The following IQGAP1 variants were observed in gnomAD, a reference collection of about 807,000 sequenced individuals.
The protein encoded by IQGAP1 is IQ motif containing GTPase activating protein 1, also known as ras GTPase-activating-like protein IQGAP1.
In IQGAP1, 66 loss-of-function variants were observed where a neutral mutation model predicts 215.6. That is an observed-to-expected ratio of 0.31 (90% CI 0.25 to 0.38). The LOEUF is 0.38. IQGAP1 is among the 10% of genes least tolerant of loss of function. The pLI is 1.00. For synonymous variants in IQGAP1, 772 were observed against 728.7 expected, an observed-to-expected ratio of 1.06 and a Z score of -0.96; for missense variants, 1,712 against 1,997.1, an observed-to-expected ratio of 0.86 and a Z score of 2.72.
At chr15:90,422,677 TATAA>T (rs1965163704) in intron 2 of IQGAP1, among the ~76,000 whole-genome samples, 18 of 129,318 alleles carry the variant, frequency 1.4e-4, no homozygotes, top group East Asian at 4.5e-4. Context: ...TATATATATA[TATAA>T]TTTTTGAGAC....
intron 15 of IQGAP1, among the ~76,000 whole-genome samples, chr15:90,461,464 A>T (rs1965760426): frequency 6.6e-6 from 1 of 152,206 alleles, no homozygotes; most frequent in South Asian, 2.1e-4. Flanking sequence ...ATAAAAGTGG[A>T]TTACTAGTCG....
At chr15:90,423,359 A>G (rs1876648375) in intron 2 of IQGAP1, among the ~76,000 whole-genome samples, 1 of 152,056 alleles carries the variant, frequency 6.6e-6, no homozygotes. Context: ...TTAGCCTCCC[A>G]AGTATCTGAG....
chr15:90,441,650 C>T lies in IQGAP1; in HGVS notation c.794C>T (p.Ala265Val). Residue 265 changes from alanine to valine, a missense_variant, in exon 8 of 38, where the codon GCT (alanine) becomes GTT (valine). Around this residue, in one of 2 missense-constraint regions of IQGAP1, gnomAD observed 1,021 missense variants for 1,074.2 expected, o/e 0.95. Coordinates refer to ENST00000268182, the MANE Select transcript of IQGAP1 (RefSeq NM_003870.4). ...ASTYQDILYQ[A>V]KQDKMTNAKN... ...ACTTACCAGGATATACTTTACCAGG[C>T]TAAGCAGGACAAAATGACAAATGCT... 1 of 1,610,490 alleles carries T rather than the reference C, an allele frequency of 6.2e-7. No homozygotes were observed. Among genetic ancestry groups the T allele is most frequent in the Non-Finnish European group, 8.5e-7 (1 of 1,178,544 alleles).
chr15:90,465,187 G>C (rs1231763906), intron 15 of IQGAP1, among the ~76,000 whole-genome samples: 1 of 152,222 alleles, frequency 6.6e-6, no homozygotes, highest in East Asian at 1.9e-4. Context: ...GAGAAATGTA[G>C]ATTGCCTGTA....
chr15:90,488,363 G>A (rs915269362), intron 33 of IQGAP1, among the ~76,000 whole-genome samples: 15 of 151,812 alleles, frequency 9.9e-5, no homozygotes, highest in Non-Finnish European at 1.6e-4. Flanking sequence ...TGTGTAAATA[G>A]TTGTTACTGT....
chr15:90,410,902 A>G (rs1567117106), intron 2 of IQGAP1, among the ~76,000 whole-genome samples: 2 of 152,004 alleles, frequency 1.3e-5, no homozygotes, highest in African/African-American at 4.8e-5. Flanking sequence ...GAAAAAGAAA[A>G]AGAAATTTCT....
chr15:90,467,253 A>G (rs1013521018), intron 17 of IQGAP1, among the ~76,000 whole-genome samples, 197 bp from the exon 18 acceptor site: 5 of 152,208 alleles, frequency 3.3e-5, no homozygotes, highest in African/African-American at 1.2e-4. Flanking sequence ...ATAGACATAA[A>G]TGAGCTAAAT....
intron 2 of IQGAP1, among the ~76,000 whole-genome samples, chr15:90,396,054 G>A (rs1261463917): frequency 6.6e-6 from 1 of 152,158 alleles, no homozygotes; most frequent in Admixed American, 6.5e-5. Context: ...GCAACTCCAC[G>A]GTGATAAGTC....
chr15:90,475,291 A>G (rs549867513), intron 23 of IQGAP1, among the ~76,000 whole-genome samples: 139 of 151,720 alleles, frequency 9.2e-4, no homozygotes, highest in Non-Finnish European at 1.7e-3. Flanking sequence ...GAGCCACGAC[A>G]CCCGGCTTTT....
At position 90,452,866 on chromosome 15, in the gene IQGAP1, G is replaced by A. The variant is rs1166381989; in HGVS notation, c.1254G>A (p.Leu418=). Residue 418 remains leucine, a synonymous_variant, in exon 12 of 38, where the codon CTG becomes CTA. Coordinates refer to ENST00000268182, the MANE Select transcript of IQGAP1 (RefSeq NM_003870.4). ...VLELMNPEAQ[L]PQVYPFAADL... ...AACTGATGAATCCCGAAGCCCAGCT[G>A]CCCCAGGTGTATCCATTTGCCGCCG... is the stretch of plus-strand genomic sequence containing the variant. 1.2e-6 allele frequency: 2 copies of A among 1,614,128 alleles called. No homozygotes were observed. Among genetic ancestry groups the A allele is most frequent in the East Asian group, 4.5e-5 (2 of 44,888 alleles).
intron 33 of IQGAP1, among the ~76,000 whole-genome samples, chr15:90,491,050 C>T (rs1039652259): frequency 6.6e-6 from 1 of 152,192 alleles, no homozygotes; most frequent in African/African-American, 2.4e-5. Context: ...ACCTCATGAT[C>T]CGCCTACCTT....
chr15:90,442,734 C>A (rs985030984), intron 8 of IQGAP1, among the ~76,000 whole-genome samples: 1 of 151,652 alleles, frequency 6.6e-6, no homozygotes, highest in Non-Finnish European at 1.5e-5. Context: ...TTTGGGAGGC[C>A]AAGGCGGGCA....
At chr15:90,395,308 C>T (rs535700026) in intron 2 of IQGAP1, among the ~76,000 whole-genome samples, 16 of 124,194 alleles carry the variant, frequency 1.3e-4, no homozygotes, top group South Asian at 4.9e-4. Context: ...GGCTAAGGAG[C>T]GGGGTTTTTT....
intron 18 of IQGAP1, among the ~76,000 whole-genome samples, chr15:90,468,778 C>A (rs1044938088): frequency 2.6e-5 from 4 of 152,066 alleles, no homozygotes; most frequent in Non-Finnish European, 5.9e-5. Context: ...CTGTAACGAG[C>A]CATGATCACA....
intron 2 of IQGAP1, among the ~76,000 whole-genome samples, chr15:90,424,603 G>A (rs1319470714): frequency 1.3e-5 from 2 of 152,178 alleles, no homozygotes; most frequent in African/African-American, 2.4e-5. Context: ...TTGGAAGGCC[G>A]AGGTGGGTGG....
At position 90,474,598 on chromosome 15, in the gene IQGAP1, A is replaced by G; in HGVS notation, c.2689A>G (p.Ile897Val). Reference sequence around the variant, plus strand: ...CCTTATGAAGATGCGGGAAGAGGTTATCACCCTCATTCGTTCTAACCAGCA... The same window carrying G: ...CCTTATGAAGATGCGGGAAGAGGTTGTCACCCTCATTCGTTCTAACCAGCA... ...LDLMKMREEVITLIRSNQQLE... is the reference protein window; with the variant it reads ...LDLMKMREEVVTLIRSNQQLE... The change falls in exon 23 of 38, where the codon ATC (isoleucine) becomes GTC (valine). Residue 897 changes from isoleucine to valine, a missense_variant. Around this residue, in one of 2 missense-constraint regions of IQGAP1, gnomAD observed 691 missense variants for 923.0 expected, o/e 0.75. Transcript: ENST00000268182. 1.2e-6 allele frequency: 2 copies of G among 1,613,944 alleles called. No individual in the cohort carries two copies. The highest frequency in any genetic ancestry group is 8.5e-7 in the Non-Finnish European group (1 of 1,179,792).
chr15:90,480,473 G>A (rs1447880116), intron 26 of IQGAP1, among the ~76,000 whole-genome samples: 1 of 152,008 alleles, frequency 6.6e-6, no homozygotes, highest in Non-Finnish European at 1.5e-5. Context: ...TGATTCCCTT[G>A]CTGGTTACTA....
At chr15:90,421,811 C>T (rs1216433305) in intron 2 of IQGAP1, among the ~76,000 whole-genome samples, 1 of 152,202 alleles carries the variant, frequency 6.6e-6, no homozygotes, top group Non-Finnish European at 1.5e-5. Context: ...CAGGCATACT[C>T]CACCACACTT....
intron 2 of IQGAP1, among the ~76,000 whole-genome samples, chr15:90,399,921 T>G (rs991831528): frequency 1.3e-5 from 2 of 152,228 alleles, no homozygotes; most frequent in African/African-American, 4.8e-5. Flanking sequence ...TTTCATTTTT[T>G]TGAGAAAAAT....
Sources: gnomAD v4.1 joint callset for allele counts (sites outside exome capture counted in the v4.1 genomes callset) on GRCh38, gnomAD v4.1.1 for gene constraint, gnomAD v4.1.1 regional missense constraint, MANE v1.5 for transcripts, NCBI Gene and HGNC (gene_info 2026-07-23, HGNC 2026-07-21) for gene names.